The following NR4A3 variants were observed in gnomAD, a reference collection of about 807,000 sequenced individuals.
NR4A3 encodes the protein nuclear receptor subfamily 4 group A member 3, also known as chondrosarcoma, extraskeletal myxoid, fused to EWS.
In NR4A3, 13 loss-of-function variants were observed where a neutral mutation model predicts 55.6. The ratio of observed to expected loss-of-function variants is 0.23; its 90% CI spans 0.15 to 0.37. The LOEUF (loss-of-function observed/expected upper bound fraction) is 0.37, where lower values mean the gene tolerates loss of function less well. Among genes scored for constraint, NR4A3 ranks in the 10% least tolerant of loss-of-function variants. NR4A3 has a pLI of 1.00. For synonymous variants in NR4A3, 342 were observed against 357.9 expected (o/e 0.96, Z 0.50); for missense variants, 646 against 822.8 (o/e 0.79, Z 2.63).
chr9:99,857,982 T>C lies in NR4A3; in HGVS notation c.1634-5638T>C, dbSNP rs371615648. Among the ~76,000 whole-genome samples, 30 of 152,304 alleles carry C rather than the reference T, an allele frequency of 2.0e-4. 2 individuals carry two copies. Among genetic ancestry groups the C allele is most frequent in the East Asian group, 1.2e-3 (6 of 5,172 alleles). On this transcript the variant is annotated intron_variant, in intron 7 of 7. Transcript: ENST00000395097. ...TTTCTCACAGATTCTTGATCCTCTA[T>C]GTATCAATTTAACAGATATTTATTG...
At chr9:99,844,933 C>G in intron 6 of NR4A3, 85 bp downstream of exon 6, 3 of 1,067,088 alleles carry the variant, frequency 2.8e-6, no homozygotes, top group Non-Finnish European at 4.3e-6. Flanking sequence ...ATTGGTGAAA[C>G]GTTTTCTCAA....
At chr9:99,843,854 A>G (rs547366090) in intron 5 of NR4A3, among the ~76,000 whole-genome samples, 1 of 152,070 alleles carries the variant, frequency 6.6e-6, no homozygotes, top group South Asian at 2.1e-4. Context: ...TGCAGGTTCA[A>G]GCGATTCTCG....
rs1828098281 is a variant in NR4A3, at chr9:99,866,405, G to C, written c.*2538G>C. 1 of 223,744 alleles carries C rather than the reference G, an allele frequency of 4.5e-6. No homozygotes were observed. The allele number at this position is 223,744 out of a possible 1,614,324, so 13.9% of individuals were successfully genotyped here. A position where few individuals can be genotyped will look rare whatever the true frequency, so the allele number is the denominator to read the frequency against. On this transcript the variant is annotated 3_prime_UTR_variant, in exon 8 of 8. Coordinates refer to ENST00000395097, the MANE Select transcript of NR4A3 (RefSeq NM_006981.4). ...TCAGATTTAAGGAAAAGACTTTTTA[G>C]CCATTATAATCTAGTGGTTGGAAGG...
At chr9:99,851,339 A>G (rs950810519) in intron 7 of NR4A3, among the ~76,000 whole-genome samples, 1 of 152,192 alleles carries the variant, frequency 6.6e-6, no homozygotes. Flanking sequence ...TGACTTCTGA[A>G]TAAGCTTCGT....
At chr9:99,829,926 C>G (rs1295080056) in intron 3 of NR4A3, among the ~76,000 whole-genome samples, 1 of 152,168 alleles carries the variant, frequency 6.6e-6, no homozygotes, top group African/African-American at 2.4e-5. Flanking sequence ...TGAGATGTTT[C>G]CAGCTGATTT....
chr9:99,861,767 C>T (rs1214888658), intron 7 of NR4A3, among the ~76,000 whole-genome samples: 3 of 152,122 alleles, frequency 2.0e-5, no homozygotes. Flanking sequence ...AAGGAAATAA[C>T]TTTTCTAACA....
rs1828051271 is a variant in NR4A3, at chr9:99,864,004, C to G, written c.*137C>G. On this transcript the variant is annotated 3_prime_UTR_variant, in exon 8 of 8. Coordinates refer to ENST00000395097, the MANE Select transcript of NR4A3 (RefSeq NM_006981.4). ...AGCTCCTGTAGAAAGCAAAGACTTTCTTTTTTTTCTGGCTCTTTTCCTTAC... is the reference window on the plus strand; with the variant it reads ...AGCTCCTGTAGAAAGCAAAGACTTTGTTTTTTTTCTGGCTCTTTTCCTTAC... 1 of 993,048 alleles carries G rather than the reference C, an allele frequency of 1.0e-6. No individual in the cohort carries two copies. The highest frequency in any genetic ancestry group is 1.4e-6 in the Non-Finnish European group (1 of 696,370). 61.5% of individuals were successfully genotyped at this position (993,048 alleles called of 1,614,324 possible).
chr9:99,828,875 C>A lies in NR4A3; in HGVS notation c.833C>A (p.Pro278Gln), dbSNP rs777114849. Residue 278 changes from proline to glutamine, a missense_variant, in exon 3 of 8, where the codon CCG (proline) becomes CAG (glutamine). This residue lies in a region of NR4A3 where 426 missense variants were observed against 429.4 expected (regional missense o/e 0.99). Coordinates refer to ENST00000395097, the MANE Select transcript of NR4A3 (RefSeq NM_006981.4). This position sits in a 1 kb window ranked among gnomAD's most constrained non-coding sequence, Gnocchi z 7.7. Reference protein sequence around the residue: ...SSLLGESPSLPSPPSRSSSSG... With the variant: ...SSLLGESPSLQSPPSRSSSSG... ...CTGCTGGGCGAGAGTCCCAGCCTGC[C>A]GTCGCCGCCCAGCAGGAGCTCGTCG... is the stretch of plus-strand genomic sequence containing the variant. 4 of 1,501,062 alleles carry A rather than the reference C, an allele frequency of 2.7e-6. No homozygotes were observed. The highest frequency in any genetic ancestry group is 1.4e-5 in the African/African-American group (1 of 70,074). The allele number at this position is 1,501,062 out of a possible 1,614,324, so 93.0% of individuals were successfully genotyped here.
intron 2 of NR4A3, chr9:99,826,853 A>G (rs1227381398): frequency 6.7e-7 from 1 of 1,494,896 alleles, no homozygotes; most frequent in South Asian, 1.1e-5. Context: ...TCTATTAGTC[A>G]CACCTTTTAC....
At position 99,865,098 on chromosome 9, in the gene NR4A3, G is replaced by T; in HGVS notation, c.*1231G>T. On this transcript the variant is annotated 3_prime_UTR_variant, in exon 8 of 8. Coordinates refer to ENST00000395097, the MANE Select transcript of NR4A3 (RefSeq NM_006981.4). The surrounding 1 kb of genome is among the most constrained non-coding windows in gnomAD (Gnocchi z 4.3). Reference sequence around the variant, plus strand: ...TCCGTGTTCGTACTCCCTTTTGTATGTTTCTACTGTTAATGCCATATTACT... The same window carrying T: ...TCCGTGTTCGTACTCCCTTTTGTATTTTTCTACTGTTAATGCCATATTACT... The T allele has an allele frequency of 5.1e-6, 1 of 197,316 alleles. No individual in the cohort carries two copies. The allele number at this position is 197,316 out of a possible 1,614,324, so 12.2% of individuals were successfully genotyped here.
chr9:99,826,586 T>C, intron 2 of NR4A3: 1 of 591,836 alleles, frequency 1.7e-6, no homozygotes, highest in Admixed American at 3.0e-5. Flanking sequence ...TTCTTTCTTT[T>C]AAATGATTAG....
At chr9:99,860,876 T>C (rs1222427735) in intron 7 of NR4A3, among the ~76,000 whole-genome samples, 1 of 152,268 alleles carries the variant, frequency 6.6e-6, no homozygotes, top group African/African-American at 2.4e-5. Flanking sequence ...AGACCACTTT[T>C]CCATAACATT....
rs746322170 is a variant in NR4A3 at position 99,828,156 on chromosome 9, G to C, written c.114G>C (p.Leu38=). 1.2e-6 allele frequency: 2 copies of C among 1,614,012 alleles called. No individual in the cohort carries two copies. The highest frequency in any genetic ancestry group is 4.5e-5 in the East Asian group (2 of 44,876). ...TEIMNPDYTK[L]TMDLGSTEIT... ...TCATGAACCCCGACTACACCAAGCT[G>C]ACCATGGACCTTGGCAGCACTGAGA... The change falls in exon 3 of 8, where the codon CTG becomes CTC. Residue 38 remains leucine, a synonymous_variant. Coordinates refer to ENST00000395097, the MANE Select transcript of NR4A3 (RefSeq NM_006981.4). The surrounding 1 kb of genome is among the most constrained non-coding windows in gnomAD (Gnocchi z 7.7).
rs570174217 is a variant in NR4A3 at position 99,834,965 on chromosome 9, T to C, written c.1254+1511T>C. ...AACAGTTTAGGCTTCTTTGGAATCA[T>C]GCGGGCCTAGATGAAAATCCCAACA... On this transcript the variant is annotated intron_variant, in intron 5 of 7. Coordinates refer to ENST00000395097, the MANE Select transcript of NR4A3 (RefSeq NM_006981.4). The C allele has an allele frequency of 9.2e-6, 9 of 981,170 alleles. No homozygotes were observed. In the Admixed American group the frequency reaches 1.8e-4, roughly 20 times the overall value. The allele number at this position is 981,170 out of a possible 1,614,324, so 60.8% of individuals were successfully genotyped here.
chr9:99,833,433 C>T lies in NR4A3; in HGVS notation c.1233C>T (p.Pro411=), dbSNP rs1827487872. ...ALVRALTDST[P]RDLDYSRYCP... ...TCCGAGCTTTAACAGACTCAACACCCAGAGATCTTGATTATTCCAGAGTAA... is the reference window on the plus strand; with the variant it reads ...TCCGAGCTTTAACAGACTCAACACCTAGAGATCTTGATTATTCCAGAGTAA... Residue 411 remains proline, a synonymous_variant, in exon 5 of 8, where the codon CCC becomes CCT. Coordinates refer to ENST00000395097, the MANE Select transcript of NR4A3 (RefSeq NM_006981.4). The T allele has an allele frequency of 1.9e-6, 3 of 1,614,036 alleles. No individual in the cohort carries two copies. The highest frequency in any genetic ancestry group is 2.5e-6 in the Non-Finnish European group (3 of 1,179,934).
chr9:99,864,506 T>G lies in NR4A3; in HGVS notation c.*639T>G, dbSNP rs1828059805. 1 of 227,676 alleles carries G rather than the reference T, an allele frequency of 4.4e-6. No homozygotes were observed. The highest frequency in any genetic ancestry group is 1.8e-4 in the South Asian group (1 of 5,486). 14.1% of individuals were successfully genotyped at this position (227,676 alleles called of 1,614,324 possible). On this transcript the variant is annotated 3_prime_UTR_variant, in exon 8 of 8. Transcript: ENST00000395097. Reference sequence around the variant, plus strand: ...TTTAAAGTGCTGTCTTACTAAGTCTTGTTTATTAACTCTCCTTTATTCTAT... The same window carrying G: ...TTTAAAGTGCTGTCTTACTAAGTCTGGTTTATTAACTCTCCTTTATTCTAT...
At position 99,865,349 on chromosome 9, in the gene NR4A3, A is replaced by G. The variant is rs1450902849; in HGVS notation, c.*1482A>G. ...AGCAGGTTACATATATATATTTATA[A>G]TGTGTCTTTTTATTAACCATTTGTA... On this transcript the variant is annotated 3_prime_UTR_variant, in exon 8 of 8. Coordinates refer to ENST00000395097, the MANE Select transcript of NR4A3 (RefSeq NM_006981.4). The surrounding 1 kb of genome is among the most constrained non-coding windows in gnomAD (Gnocchi z 4.3). 5.7e-6 allele frequency: 1 copy of G among 174,194 alleles called. No homozygotes were observed. Among genetic ancestry groups the G allele is most frequent in the African/African-American group, 2.4e-5 (1 of 42,034 alleles). 10.8% of individuals were successfully genotyped at this position (174,194 alleles called of 1,614,324 possible).
chr9:99,861,840 C>T (rs996678669), intron 7 of NR4A3, among the ~76,000 whole-genome samples: 3 of 152,116 alleles, frequency 2.0e-5, no homozygotes, highest in East Asian at 3.9e-4. Context: ...CCTGTAATTT[C>T]AGTGCTTTGG....
intron 6 of NR4A3, among the ~76,000 whole-genome samples, chr9:99,846,672 G>C (rs2072097793): frequency 6.6e-6 from 1 of 152,160 alleles, no homozygotes. Flanking sequence ...TTTTGAGACA[G>C]AGTCCCACTC....
Sources: allele counts gnomAD v4.1 joint callset (sites outside exome capture counted in the v4.1 genomes callset), GRCh38; gene constraint gnomAD v4.1.1; regional missense constraint gnomAD v4.1.1; non-coding constraint Gnocchi (gnomAD v3.1); transcripts MANE v1.5; gene names NCBI Gene and HGNC (gene_info 2026-07-23, HGNC 2026-07-21).